DNAAF11: variants seen among roughly 807,000 people sequenced by gnomAD.
The protein encoded by DNAAF11 is dynein axonemal assembly factor 11.
A neutral mutation model predicts 60.8 loss-of-function variants in DNAAF11; 45 were observed. That is an observed-to-expected ratio of 0.74 (90% CI 0.58 to 0.95). The LOEUF (loss-of-function observed/expected upper bound fraction) is 0.95, where lower values mean the gene tolerates loss of function less well. Among genes scored for constraint, DNAAF11 ranks in the 40% least tolerant of loss-of-function variants. DNAAF11 has a pLI of 0.00. For synonymous variants in DNAAF11, 191 were observed against 183.5 expected, an observed-to-expected ratio of 1.04 and a Z score of -0.33; for missense variants, 546 against 546.2, an observed-to-expected ratio of 1.00 and a Z score of 0.00.
At chr8:132,608,769 T>G (rs1818358946) in intron 10 of DNAAF11, among the ~76,000 whole-genome samples, 1 of 152,206 alleles carries the variant, frequency 6.6e-6, no homozygotes, top group Non-Finnish European at 1.5e-5. Context: ...ATAGAAGCAT[T>G]TCTTTAATTT....
the DNAAF11 span, among the ~76,000 whole-genome samples, chr8:132,684,839 T>G: frequency 6.6e-6 from 1 of 152,216 alleles, no homozygotes; most frequent in African/African-American, 2.4e-5. Context: ...TGCTAAGTGA[T>G]AAAACATTGA....
intron 7 of DNAAF11, among the ~76,000 whole-genome samples, chr8:132,622,357 T>C (rs918452677): frequency 6.6e-6 from 1 of 152,188 alleles, no homozygotes; most frequent in Admixed American, 6.5e-5. Flanking sequence ...CAAAGTTTCA[T>C]GGGGTACATA....
Position 132,622,675 on chromosome 8 carries a change from T to C in DNAAF11, c.850A>G (p.Lys284Glu). The change falls in exon 7 of 12, where the codon AAA becomes GAA. Residue 284 changes from lysine to glutamate, a missense_variant. By Grantham distance (56) the Lys-to-Glu change is moderately conservative (BLOSUM62 1). Transcript: ENST00000620350. Reference protein sequence around the residue: ...KQEKLSEKKKKVKPPRTLITE... With the variant: ...KQEKLSEKKKEVKPPRTLITE... ...ATCAAAGTCCTGGGTGGTTTCACTT[T>C]CTTCTTTTTTTCACTTAAGATTGGT... 1 of 1,613,288 alleles carries C rather than the reference T, an allele frequency of 6.2e-7. No individual in the cohort carries two copies. Among genetic ancestry groups the C allele is most frequent in the Non-Finnish European group, 8.5e-7 (1 of 1,179,460 alleles).
chr8:132,675,123 C>T (rs1324551962), intron 1 of DNAAF11, among the ~76,000 whole-genome samples: 2 of 152,136 alleles, frequency 1.3e-5, no homozygotes, highest in Non-Finnish European at 2.9e-5. Context: ...GACTGGCCCA[C>T]GTTCACAGCC....
At chr8:132,661,808 C>A (rs1029658183) in intron 1 of DNAAF11, 181 bp from the exon 2 acceptor site, 1 of 684,728 alleles carries the variant, frequency 1.5e-6, no homozygotes, top group South Asian at 1.6e-5. Context: ...TTTTGTGATG[C>A]CATGATGTGA....
intron 5 of DNAAF11, among the ~76,000 whole-genome samples, chr8:132,627,034 T>C (rs1217044602): frequency 6.6e-6 from 1 of 152,182 alleles, no homozygotes; most frequent in Non-Finnish European, 1.5e-5. Context: ...GCAGATACAA[T>C]GCAACTAAAT....
At chr8:132,674,081 GC>G (rs1434328332) in intron 1 of DNAAF11, among the ~76,000 whole-genome samples, 14 of 149,962 alleles carry the variant, frequency 9.3e-5, no homozygotes, top group African/African-American at 3.4e-4. Flanking sequence ...AGGAGGAGGA[GC>G]AGGAGGAGGA....
intron 3 of DNAAF11, 123 bp from the exon 4 acceptor site, chr8:132,638,230 A>G (rs766483815): frequency 3.0e-6 from 2 of 677,730 alleles, no homozygotes; most frequent in Admixed American, 2.6e-5. Context: ...GATTTATTGC[A>G]TTGCTCACCA....
upstream of DNAAF11, among the ~76,000 whole-genome samples, chr8:132,676,888 C>T (rs1447207521): frequency 6.6e-6 from 1 of 152,148 alleles, no homozygotes; most frequent in Non-Finnish European, 1.5e-5. Context: ...AAGGAGGCCT[C>T]CCAAAAGGCA....
chr8:132,576,671 G>A (rs1814781876), intron 11 of DNAAF11, among the ~76,000 whole-genome samples: 1 of 152,132 alleles, frequency 6.6e-6, no homozygotes, highest in African/African-American at 2.4e-5. Context: ...GCTCATTGGA[G>A]CACTTCAGAT....
chr8:132,665,362 A>G (rs1216056131), intron 1 of DNAAF11, among the ~76,000 whole-genome samples: 2 of 152,218 alleles, frequency 1.3e-5, no homozygotes, highest in Non-Finnish European at 2.9e-5. Flanking sequence ...ACATTCTTTA[A>G]GTCCAAGGAG....
At chr8:132,690,677 A>G in the DNAAF11 span, among the ~76,000 whole-genome samples, 1 of 152,186 alleles carries the variant, frequency 6.6e-6, no homozygotes, top group Non-Finnish European at 1.5e-5. Flanking sequence ...AGGTTACCAC[A>G]TTTCATTTAG....
the DNAAF11 span, among the ~76,000 whole-genome samples, chr8:132,698,907 C>T: frequency 7.1e-6 from 1 of 140,850 alleles, no homozygotes; most frequent in Non-Finnish European, 1.5e-5. Context: ...ATGGCGAACG[C>T]TGTTTCTACT....
Position 132,661,580 on chromosome 8 carries a change from T to G in DNAAF11, c.58A>C (p.Ile20Leu), listed in dbSNP as rs1824138251. 1.9e-6 allele frequency: 3 copies of G among 1,614,132 alleles called. No individual in the cohort carries two copies. The highest frequency in any genetic ancestry group is 2.7e-5 in the African/African-American group (2 of 75,068). ...RRNAEHNDCVIFSLEELSLHQ... is the reference protein window; with the variant it reads ...RRNAEHNDCVLFSLEELSLHQ... ...AACGAGAGTTCCTCCAGGGAAAAAA[T>G]GACACAGTCGTTGTGTTCAGCATTC... is the stretch of plus-strand genomic sequence containing the variant. Residue 20 changes from isoleucine to leucine, a missense_variant, in exon 2 of 12, where the codon ATT (isoleucine) becomes CTT (leucine). Ile to Leu is a conservative substitution (Grantham distance 5). Coordinates refer to ENST00000620350, the MANE Select transcript of DNAAF11 (RefSeq NM_012472.6).
At chr8:132,591,668 AC>A (rs1441850321) in intron 10 of DNAAF11, among the ~76,000 whole-genome samples, 3 of 152,052 alleles carry the variant, frequency 2.0e-5, no homozygotes, top group African/African-American at 7.2e-5. Context: ...TGTTTATTAT[AC>A]CTCACTAAAA....
upstream of DNAAF11, among the ~76,000 whole-genome samples, chr8:132,679,684 T>C (rs934750179): frequency 3.9e-5 from 6 of 151,928 alleles, no homozygotes; most frequent in Admixed American, 3.3e-4. Flanking sequence ...AGGGGGTGGG[T>C]CTTTCCCTTT....
chr8:132,682,898 C>CT, the DNAAF11 span, among the ~76,000 whole-genome samples: 34 of 152,198 alleles, frequency 2.2e-4, no homozygotes, highest in Non-Finnish European at 3.1e-4. Flanking sequence ...AGAGACAAGG[C>CT]TTTTTTTAAC....
the DNAAF11 span, among the ~76,000 whole-genome samples, chr8:132,690,372 T>G: frequency 6.6e-6 from 1 of 152,154 alleles, no homozygotes; most frequent in African/African-American, 2.4e-5. Flanking sequence ...CTCTTCTCTC[T>G]CCTGCTGCCT....
At chr8:132,697,688 A>G in the DNAAF11 span, among the ~76,000 whole-genome samples, 48,906 of 151,928 alleles carry the variant, frequency 0.32, 8,031 homozygotes, top group East Asian at 0.38. Flanking sequence ...AGGAGACATC[A>G]ATGTGTATGT....
Sources: allele counts gnomAD v4.1 joint callset (sites outside exome capture counted in the v4.1 genomes callset), GRCh38; gene constraint gnomAD v4.1.1; transcripts MANE v1.5; gene names NCBI Gene and HGNC (gene_info 2026-07-23, HGNC 2026-07-21).